Variants in TPD52L1 observed in about 807,000 individuals in gnomAD.
TPD52L1 encodes the protein TPD52 like 1, also known as tumor protein D53.
TPD52L1 carries 18 observed loss-of-function variants against 28.7 expected under a neutral mutation model. The ratio of observed to expected loss-of-function variants is 0.63; its 90% CI spans 0.43 to 0.93. TPD52L1 has a LOEUF of 0.93. TPD52L1 is among the 40% of genes least tolerant of loss of function. The pLI is 0.00. For synonymous variants in TPD52L1, 75 were observed against 88.8 expected (o/e 0.84, Z 0.88); for missense variants, 203 against 254.8 (o/e 0.80, Z 1.39).
chr6:125,251,915 T>C, intron 4 of TPD52L1: 1 of 1,131,188 alleles, frequency 8.8e-7, no homozygotes, highest in Non-Finnish European at 1.3e-6. Context: ...ACCCTGTCTG[T>C]GCTCTGGGGC....
chr6:125,256,590 AT>A (rs1335383098), intron 5 of TPD52L1, among the ~76,000 whole-genome samples: 3 of 152,176 alleles, frequency 2.0e-5, no homozygotes, highest in Non-Finnish European at 2.9e-5. Flanking sequence ...ATATATGAAC[AT>A]TTTTTTCCTT....
chr6:125,169,349 C>T (rs1027353083), intron 1 of TPD52L1, among the ~76,000 whole-genome samples: 10 of 152,044 alleles, frequency 6.6e-5, no homozygotes, highest in African/African-American at 2.4e-4. Context: ...TTTATTTTTC[C>T]TGCCTGGACC....
chr6:125,190,167 T>A (rs943600432), intron 1 of TPD52L1, among the ~76,000 whole-genome samples: 3 of 152,138 alleles, frequency 2.0e-5, no homozygotes, highest in Admixed American at 1.3e-4. Flanking sequence ...ATATTGATCA[T>A]AATTTGAAGA....
intron 3 of TPD52L1, among the ~76,000 whole-genome samples, chr6:125,246,376 G>C (rs1038708600): frequency 6.6e-6 from 1 of 152,032 alleles, no homozygotes. Flanking sequence ...GAATTCTTTC[G>C]GTGTTCCTGG....
At position 125,158,410 on chromosome 6, in the gene TPD52L1, A is replaced by C. The variant is rs533055519; in HGVS notation, c.19+4440A>C. ...ACATTATAAGTATACATTCTACATT[A>C]TACATTATACTTTACATTATACTTT... is the stretch of plus-strand genomic sequence containing the variant. On this transcript the variant is annotated intron_variant, in intron 1 of 6. Coordinates refer to ENST00000534000, the MANE Select transcript of TPD52L1 (RefSeq NM_003287.4). Among the ~76,000 whole-genome samples, 109 of 152,164 alleles carry C rather than the reference A, an allele frequency of 7.2e-4. No individual in the cohort carries two copies. The East Asian group carries it at 0.011, about 15-fold the overall frequency.
At chr6:125,233,681 T>C (rs1796087294) in intron 3 of TPD52L1, among the ~76,000 whole-genome samples, 1 of 152,242 alleles carries the variant, frequency 6.6e-6, no homozygotes, top group South Asian at 2.1e-4. Flanking sequence ...AACACTTTCT[T>C]TTAAATCTCA....
intron 1 of TPD52L1, among the ~76,000 whole-genome samples, chr6:125,172,157 T>TTTCTTTCC (rs1554202455): frequency 7.4e-5 from 4 of 54,010 alleles, no homozygotes; most frequent in African/African-American, 1.7e-4. Context: ...TCTTTCTTTC[T>TTTCTTTCC]TTTCTTTCTT....
chr6:125,217,652 C>T (rs1048855584), intron 1 of TPD52L1, among the ~76,000 whole-genome samples: 13 of 152,094 alleles, frequency 8.5e-5, no homozygotes, highest in Admixed American at 7.2e-4. Context: ...GGTAACAGAC[C>T]GGTACTGGTC....
Position 125,248,295 on chromosome 6 carries a change from C to T in TPD52L1, c.298C>T (p.His100Tyr). 1 of 1,613,880 alleles carries T rather than the reference C, an allele frequency of 6.2e-7. No individual in the cohort carries two copies. Among genetic ancestry groups the T allele is most frequent in the Non-Finnish European group, 8.5e-7 (1 of 1,179,846 alleles). ...TTTTATTTCTAGCTACAAGAAAACACATGAAACCCTGAGTCACGCAGGGCA... is the reference window on the plus strand; with the variant it reads ...TTTTATTTCTAGCTACAAGAAAACATATGAAACCCTGAGTCACGCAGGGCA... ...MQTTTAYKKT[H>Y]ETLSHAGQKA... The change falls in exon 4 of 7, where the codon CAT (histidine) becomes TAT (tyrosine). Residue 100 changes from histidine (H) to tyrosine (Y), a missense_variant. His to Tyr is a moderately conservative substitution (Grantham distance 83, BLOSUM62 2). Coordinates refer to ENST00000534000, the MANE Select transcript of TPD52L1 (RefSeq NM_003287.4).
At chr6:125,210,669 T>C (rs1348206317) in intron 1 of TPD52L1, among the ~76,000 whole-genome samples, 1 of 152,244 alleles carries the variant, frequency 6.6e-6, no homozygotes, top group Non-Finnish European at 1.5e-5. Context: ...TTCTTTCTTC[T>C]ATAGGGCTTC....
intron 3 of TPD52L1, among the ~76,000 whole-genome samples, chr6:125,235,415 A>C (rs73579718): frequency 0.013 from 2,021 of 152,240 alleles, 9 homozygotes; most frequent in African/African-American, 0.02. Flanking sequence ...AAAAGAAAAA[A>C]AAGTTGCAAA....
chr6:125,172,225 C>T (rs1300467195), intron 1 of TPD52L1, among the ~76,000 whole-genome samples: 1 of 129,786 alleles, frequency 7.7e-6, no homozygotes, highest in African/African-American at 3.0e-5. Flanking sequence ...TCTTTCCTTC[C>T]TTCCTCTTTC....
chr6:125,197,596 A>C (rs900271338), intron 1 of TPD52L1, among the ~76,000 whole-genome samples: 1 of 152,174 alleles, frequency 6.6e-6, no homozygotes, highest in African/African-American at 2.4e-5. Flanking sequence ...CTCTAAGAGG[A>C]AGAACAGTCA....
At chr6:125,247,581 C>T (rs953576817) in intron 3 of TPD52L1, among the ~76,000 whole-genome samples, 1 of 152,144 alleles carries the variant, frequency 6.6e-6, no homozygotes, top group Non-Finnish European at 1.5e-5. Context: ...TGATATCACC[C>T]ACTCGTTCAT....
chr6:125,197,947 C>G (rs1043366508), intron 1 of TPD52L1, among the ~76,000 whole-genome samples: 1 of 152,160 alleles, frequency 6.6e-6, no homozygotes, highest in Non-Finnish European at 1.5e-5. Flanking sequence ...GCCAAGGGAT[C>G]GGTTAGCCCT....
chr6:125,182,702 C>T (rs1014569187), intron 1 of TPD52L1, among the ~76,000 whole-genome samples: 5 of 152,192 alleles, frequency 3.3e-5, no homozygotes, highest in Admixed American at 6.5e-5. Context: ...CTTGGCCTCC[C>T]AGCCCTGAAG....
intron 1 of TPD52L1, among the ~76,000 whole-genome samples, chr6:125,172,177 CTTTCTTTCT>C: frequency 8.9e-6 from 1 of 112,638 alleles, no homozygotes; most frequent in South Asian, 2.9e-4. Context: ...TTCTTTCTTT[CTTTCTTTCT>C]TTCTTTCTTT....
At chr6:125,232,911 GT>G (rs1414278494) in intron 3 of TPD52L1, among the ~76,000 whole-genome samples, 2 of 151,850 alleles carry the variant, frequency 1.3e-5, no homozygotes, top group African/African-American at 4.8e-5. Context: ...CCATTTTTTG[GT>G]TTTCTGCTGC....
At chr6:125,240,327 T>A (rs921604260) in intron 3 of TPD52L1, among the ~76,000 whole-genome samples, 45 of 152,250 alleles carry the variant, frequency 3.0e-4, no homozygotes, top group African/African-American at 1.0e-3. Flanking sequence ...GGGTTCCATG[T>A]GAATTTTAGA....
Sources: allele counts gnomAD v4.1 joint callset (sites outside exome capture counted in the v4.1 genomes callset), GRCh38; gene constraint gnomAD v4.1.1; transcripts MANE v1.5; gene names NCBI Gene and HGNC (gene_info 2026-07-23, HGNC 2026-07-21).